The following ERO1A variants were observed in gnomAD, a reference collection of about 807,000 sequenced individuals.
ERO1A encodes endoplasmic reticulum oxidoreductase 1 alpha.
A neutral mutation model predicts 76.9 loss-of-function variants in ERO1A; 49 were observed. The observed-to-expected ratio is 0.64, with a 90% CI of 0.51 to 0.81. ERO1A has a LOEUF of 0.81. ERO1A is among the 30% of genes least tolerant of loss of function. The pLI is 0.00. For missense variants in ERO1A, 448 were observed against 542.1 expected, an observed-to-expected ratio of 0.83 and a Z score of 1.72; for synonymous variants, 174 against 181.2, an observed-to-expected ratio of 0.96 and a Z score of 0.32.
chr14:52,646,491 G>C (rs1240871536), intron 13 of ERO1A, 30 bp from the exon 14 acceptor site: 1 of 1,520,624 alleles, frequency 6.6e-7, no homozygotes. Flanking sequence ...ATTTTATTAA[G>C]ATGTAATATA....
chr14:52,658,163 G>A lies in ERO1A; in HGVS notation c.689-13C>T. 1 of 1,479,422 alleles carries A rather than the reference G, an allele frequency of 6.8e-7. No homozygotes were observed. The highest frequency in any genetic ancestry group is 2.0e-5 in the Admixed American group (1 of 49,420). 91.6% of individuals were successfully genotyped at this position (1,479,422 alleles called of 1,614,324 possible). ...TAAAAAGTGTTCTCTGAAATCAAAA[G>A]AAAAATAAGTCATAAGAATAGAAAA... On this transcript the variant is annotated splice_polypyrimidine_tract_variant and intron_variant, in intron 9 of 15. Coordinates refer to ENST00000395686, the MANE Select transcript of ERO1A (RefSeq NM_014584.3).
rs1288179552 is a variant in ERO1A at position 52,678,441 on chromosome 14, C to T, written c.350G>A (p.Ser117Asn). The change falls in exon 4 of 16, where the codon AGC becomes AAC. Residue 117 changes from serine (S) to asparagine (N), a missense_variant. By Grantham distance (46) the Ser-to-Asn change is conservative (BLOSUM62 1). Coordinates refer to ENST00000395686, the MANE Select transcript of ERO1A (RefSeq NM_014584.3). The stretch of plus-strand genomic sequence containing the variant: ...ATAGGTATACGTACACACCTTGTAG[C>T]TCGCAGATTTAATTCCATCAGGAAC... ...DEVPDGIKSA[S>N]YKYSEEANNL... The T allele has an allele frequency of 3.1e-6, 5 of 1,613,290 alleles. No individual in the cohort carries two copies. Among genetic ancestry groups the T allele is most frequent in the South Asian group, 1.1e-5 (1 of 91,040 alleles).
intron 1 of ERO1A, among the ~76,000 whole-genome samples, chr14:52,694,521 G>C (rs1594839593): frequency 6.6e-6 from 1 of 151,996 alleles, no homozygotes; most frequent in African/African-American, 2.4e-5. Flanking sequence ...GGAATAACAT[G>C]GATGCCTAAC....
At chr14:52,687,249 A>T (rs2139779252) in intron 1 of ERO1A, among the ~76,000 whole-genome samples, 1 of 152,064 alleles carries the variant, frequency 6.6e-6, no homozygotes, top group East Asian at 1.9e-4. Flanking sequence ...AACATGGTAA[A>T]ACCCTGTCTC....
In ERO1A at chr14:52,695,369, T is replaced by C; in HGVS notation, c.113A>G (p.Gln38Arg). Residue 38 changes from glutamine (Q) to arginine (R), a missense_variant and splice_region_variant, in exon 1 of 16, where the codon CAG (glutamine) becomes CGG (arginine). Gln to Arg is a conservative substitution (Grantham distance 43, BLOSUM62 1). Around this residue, in one of 2 missense-constraint regions of ERO1A, gnomAD observed 146 missense variants for 130.2 expected, o/e 1.12. Transcript: ENST00000395686. ...PETAAQRCFCQVSGYLDDCTC... is the reference protein window; with the variant it reads ...PETAAQRCFCRVSGYLDDCTC... ...AGCACCAACGCGCACATCGCTCACC[T>C]GGCAGAAGCACCTCTGTGCCGCTGT... The C allele has an allele frequency of 1.4e-6, 2 of 1,461,710 alleles. No individual in the cohort carries two copies. Among genetic ancestry groups the C allele is most frequent in the Non-Finnish European group, 1.8e-6 (2 of 1,095,984 alleles). 90.5% of individuals were successfully genotyped at this position (1,461,710 alleles called of 1,614,324 possible).
intron 9 of ERO1A, 88 bp from the exon 10 acceptor site, chr14:52,658,238 G>T: frequency 2.2e-6 from 2 of 894,596 alleles, no homozygotes; most frequent in Non-Finnish European, 1.8e-6. Flanking sequence ...TAGCAAATTT[G>T]TGCCAAACAA....
intron 4 of ERO1A, among the ~76,000 whole-genome samples, chr14:52,676,423 T>C (rs2040785848): frequency 1.3e-5 from 2 of 152,142 alleles, no homozygotes; most frequent in Admixed American, 6.5e-5. Flanking sequence ...GGCAGCTTAG[T>C]AATATTGTGG....
chr14:52,686,030 G>T (rs1283891969), intron 1 of ERO1A, among the ~76,000 whole-genome samples: 1 of 152,176 alleles, frequency 6.6e-6, no homozygotes, highest in African/African-American at 2.4e-5. Flanking sequence ...TGACCAACAT[G>T]GTGAAGCCCC....
Position 52,683,792 on chromosome 14 carries a change from TA to T in ERO1A, c.229del (p.Tyr77ThrfsTer3). 1 of 1,394,582 alleles carries T rather than the reference TA, an allele frequency of 7.2e-7. No individual in the cohort carries two copies. Among genetic ancestry groups the T allele is most frequent in the East Asian group, 2.4e-5 (1 of 42,320 alleles). The allele number at this position is 1,394,582 out of a possible 1,614,324, so 86.4% of individuals were successfully genotyped here. ...AAAAATTAAAATTAAAAATACCTTG[TA>T]ATACCTAAAGTAGTCACTTTCAAGA... is the stretch of plus-strand genomic sequence containing the variant. The part of the protein sequence containing the change: ...KLLESDYFRY[Y>X]KVNLKRPCPF... On this transcript the variant is annotated frameshift_variant, in exon 2 of 16. Transcript: ENST00000395686. LOFTEE classifies it high-confidence loss of function.
intron 13 of ERO1A, among the ~76,000 whole-genome samples, chr14:52,648,130 A>G (rs1344216346): frequency 1.3e-5 from 2 of 152,182 alleles, no homozygotes; most frequent in Non-Finnish European, 2.9e-5. Context: ...CATTGTTACC[A>G]TATCTTAATA....
At position 52,643,024 on chromosome 14, in the gene ERO1A, G is replaced by A. The variant is rs1221193181; in HGVS notation, c.*546C>T. 6.6e-6 allele frequency: 1 copy of A among 152,320 alleles called. No homozygotes were observed. The allele number at this position is 152,320 out of a possible 1,614,324, so 9.4% of individuals were successfully genotyped here. The stretch of plus-strand genomic sequence containing the variant: ...TGAATTTCAAACAAATAATTTTTTA[G>A]TATAAGTATTTTCCAAATATTCCAT... On this transcript the variant is annotated 3_prime_UTR_variant, in exon 16 of 16. Coordinates refer to ENST00000395686, the MANE Select transcript of ERO1A (RefSeq NM_014584.3).
intron 1 of ERO1A, among the ~76,000 whole-genome samples, chr14:52,688,231 T>C (rs1331273679): frequency 6.6e-6 from 1 of 152,056 alleles, no homozygotes; most frequent in East Asian, 1.9e-4. Flanking sequence ...TTTTAAGAGT[T>C]AGAAAGCCTT....
intron 1 of ERO1A, among the ~76,000 whole-genome samples, chr14:52,684,369 G>A (rs1345263333): frequency 6.6e-6 from 1 of 152,076 alleles, no homozygotes; most frequent in Non-Finnish European, 1.5e-5. Context: ...AGTTGGCAAA[G>A]AGAGGAAAAG....
At position 52,640,644 on chromosome 14, in the gene ERO1A, TGTAG is replaced by T. The variant is rs2039440184; in HGVS notation, c.*2922_*2925del. 1 of 152,150 alleles carries T rather than the reference TGTAG, an allele frequency of 6.6e-6. No individual in the cohort carries two copies. The highest frequency in any genetic ancestry group is 1.5e-5 in the Non-Finnish European group (1 of 68,040). The allele number at this position is 152,150 out of a possible 1,614,324, so 9.4% of individuals were successfully genotyped here. Reference sequence around the variant, plus strand: ...CTAGGTATAGGAGGCAGGTTAGTACTGTAGGTATTTATTAATAATAGCAATGAAG... The same window carrying T: ...CTAGGTATAGGAGGCAGGTTAGTACTGTATTTATTAATAATAGCAATGAAG... On this transcript the variant is annotated 3_prime_UTR_variant, in exon 16 of 16. Transcript: ENST00000395686.
At chr14:52,658,602 G>C (rs2040128280) in intron 9 of ERO1A, 1 of 153,190 alleles carries the variant, frequency 6.5e-6, no homozygotes, top group African/African-American at 2.4e-5. Flanking sequence ...AATATTACAT[G>C]CCATTCACTA....
chr14:52,671,378 C>T lies in ERO1A; in HGVS notation c.508+252G>A, dbSNP rs547433212. Among the ~76,000 whole-genome samples the T allele has an allele frequency of 2.0e-4, 30 of 152,162 alleles. No homozygotes were observed. In the East Asian group the frequency reaches 3.9e-3, roughly 20 times the overall value. On this transcript the variant is annotated intron_variant, in intron 6 of 15. Transcript: ENST00000395686. Reference sequence around the variant, plus strand: ...ACTGTTATGTCATATGGTAATTCTACGTTTAGGTTTTTGAAGAACCGCCAA... The same window carrying T: ...ACTGTTATGTCATATGGTAATTCTATGTTTAGGTTTTTGAAGAACCGCCAA...
chr14:52,694,737 G>A (rs1048648850), intron 1 of ERO1A, among the ~76,000 whole-genome samples: 2 of 152,034 alleles, frequency 1.3e-5, no homozygotes, highest in African/African-American at 4.8e-5. Flanking sequence ...GAAGAATAAG[G>A]ACCTTCCTCC....
chr14:52,646,505 T>G, intron 13 of ERO1A, 44 bp from the exon 14 acceptor site: 5 of 1,448,260 alleles, frequency 3.5e-6, no homozygotes, highest in Non-Finnish European at 4.8e-6. Context: ...TAATATACAG[T>G]CAATTAGTAA....
At chr14:52,656,927 T>C (rs966440275) in intron 11 of ERO1A, among the ~76,000 whole-genome samples, 3 of 152,086 alleles carry the variant, frequency 2.0e-5, no homozygotes, top group African/African-American at 7.2e-5. Context: ...TAGCTGGACA[T>C]GGTGGCATGC....
Sources: gnomAD v4.1 joint callset for allele counts (sites outside exome capture counted in the v4.1 genomes callset) on GRCh38, gnomAD v4.1.1 for gene constraint, gnomAD v4.1.1 regional missense constraint, MANE v1.5 for transcripts, NCBI Gene and HGNC (gene_info 2026-07-23, HGNC 2026-07-21) for gene names.